The following AGRN variants were observed in gnomAD, a reference collection of about 807,000 sequenced individuals.
AGRN encodes agrin proteoglycan.
In AGRN, 106 loss-of-function variants were observed where a neutral mutation model predicts 211.0. That is an observed-to-expected ratio of 0.50 (90% confidence interval 0.43 to 0.59). The LOEUF is 0.59. Among genes scored for constraint, AGRN ranks in the 20% least tolerant of loss-of-function variants. The probability of loss-of-function intolerance (pLI) is 0.00; values close to 1 mark genes in which losing one functional copy is unlikely to be tolerated. For missense variants in AGRN, 3,040 were observed against 2,982.6 expected, an observed-to-expected ratio of 1.02 and a Z score of -0.45; for synonymous variants, 1,525 against 1,332.5, an observed-to-expected ratio of 1.14 and a Z score of -3.15.
rs576972545 is a variant in AGRN at position 1,046,336 on chromosome 1, C to T, written c.2912-61C>T. ...ACGCTGCCCTAAATCCAGCCCCACC[C>T]GCCCTGAGCCACCTGACCCTGTCCC... is the stretch of plus-strand genomic sequence containing the variant. On this transcript the variant is annotated intron_variant, in intron 17 of 35. Coordinates refer to ENST00000379370, the MANE Select transcript of AGRN (RefSeq NM_198576.4). The T allele has an allele frequency of 1.2e-5, 20 of 1,606,270 alleles. No homozygotes were observed. In the African/African-American group the frequency reaches 1.5e-4, roughly 12 times the overall value.
In AGRN at chr1:1,051,271, A is replaced by G; in HGVS notation, c.5272A>G (p.Asn1758Asp). ...GESPVPHTVLNLKEPLYVGGA... is the reference protein window; with the variant it reads ...GESPVPHTVLDLKEPLYVGGA... Reference sequence around the variant, plus strand: ...CCCGCAGGTTCCGCACACCGTCCTCAACCTGAAGGAGCCGCTCTACGTAGG... The same window carrying G: ...CCCGCAGGTTCCGCACACCGTCCTCGACCTGAAGGAGCCGCTCTACGTAGG... Residue 1758 changes from asparagine (N) to aspartate (D), a missense_variant, in exon 31 of 36, where the codon AAC becomes GAC. Physicochemically the swap from Asn to Asp is conservative, Grantham distance 23 (BLOSUM62 1). Coordinates refer to ENST00000379370, the MANE Select transcript of AGRN (RefSeq NM_198576.4). 1.9e-6 allele frequency: 3 copies of G among 1,580,384 alleles called. No homozygotes were observed. Among genetic ancestry groups the G allele is most frequent in the Non-Finnish European group, 2.6e-6 (3 of 1,164,238 alleles).
chr1:1,022,988 GC>G (rs2100565791), intron 2 of AGRN, among the ~76,000 whole-genome samples: 1 of 152,348 alleles, frequency 6.6e-6, no homozygotes, highest in East Asian at 1.9e-4. Flanking sequence ...CCGAGGAGTG[GC>G]CCTCCCTGAC....
In AGRN at chr1:1,046,519, G is replaced by C. The variant is rs144781935; in HGVS notation, c.3034G>C (p.Ala1012Pro). Reference protein sequence around the residue: ...GALPLAPSSTAHSQTTPPPSS... With the variant: ...GALPLAPSSTPHSQTTPPPSS... ...CCTCCCCCTGGCTCCCAGCAGTACCGCACACAGCCAGACCACCCCTCCGCC... is the reference window on the plus strand; with the variant it reads ...CCTCCCCCTGGCTCCCAGCAGTACCCCACACAGCCAGACCACCCCTCCGCC... The change falls in exon 18 of 36, where the codon GCA (alanine) becomes CCA (proline). Residue 1012 changes from alanine (A) to proline (P), a missense_variant. Coordinates refer to ENST00000379370, the MANE Select transcript of AGRN (RefSeq NM_198576.4). The C allele has an allele frequency of 7.5e-6, 12 of 1,602,004 alleles. No homozygotes were observed. The highest frequency in any genetic ancestry group is 3.3e-4 in the Middle Eastern group (2 of 6,032).
rs778241501 is a variant in AGRN at position 1,044,022 on chromosome 1, G to C, written c.1998G>C (p.Gln666His). 1 of 1,609,950 alleles carries C rather than the reference G, an allele frequency of 6.2e-7. No individual in the cohort carries two copies. The highest frequency in any genetic ancestry group is 8.5e-7 in the Non-Finnish European group (1 of 1,179,494). Residue 666 changes from glutamine (Q) to histidine (H), a missense_variant and splice_region_variant, in exon 10 of 36, where the codon CAG becomes CAC. This residue lies in a region of AGRN where 1,498 missense variants were observed against 1,457.8 expected (regional missense o/e 1.03). Coordinates refer to ENST00000379370, the MANE Select transcript of AGRN (RefSeq NM_198576.4). ...AGGCCCGGGCAGGGCCGTGCGAGCA[G>C]GGTAGGCCGGGGGACGCTGGCGAAA... is the stretch of plus-strand genomic sequence containing the variant. ...IEEARAGPCE[Q>H]AECGSGGSGS...
rs528146665 is a variant in AGRN at position 1,047,829 on chromosome 1, G to A, written c.3685G>A (p.Val1229Met). 6.2e-7 allele frequency: 1 copy of A among 1,604,350 alleles called. No individual in the cohort carries two copies. Among genetic ancestry groups the A allele is most frequent in the Non-Finnish European group, 8.5e-7 (1 of 1,176,096 alleles). The stretch of plus-strand genomic sequence containing the variant: ...CCGGGCCCTGCTCCGGCAGATCCAG[G>A]TGTCCAGGCGCCGGTCCTTGGGGGT... Reference protein sequence around the residue: ...VARALLRQIQVSRRRSLGVRR... With the variant: ...VARALLRQIQMSRRRSLGVRR... Residue 1229 changes from valine (V) to methionine (M), a missense_variant, in exon 22 of 36, where the codon GTG (valine) becomes ATG (methionine). Physicochemically the swap from Val to Met is conservative, Grantham distance 21. Transcript: ENST00000379370.
chr1:1,044,051 G>T (rs771898683), intron 10 of AGRN, 28 bp downstream of exon 10: 2 of 1,612,156 alleles, frequency 1.2e-6, no homozygotes, highest in South Asian at 1.1e-5. Context: ...GGCGAAAACT[G>T]CTGGGCTCTG....
chr1:1,040,947 G>A (rs1644914465), intron 4 of AGRN, 67 bp downstream of exon 4: 3 of 1,108,114 alleles, frequency 2.7e-6, no homozygotes, highest in Non-Finnish European at 3.4e-6. Context: ...GCGAGGCTGG[G>A]AGGGGCTTCG....
At chr1:1,039,240 A>G (rs1003163190) in intron 3 of AGRN, among the ~76,000 whole-genome samples, 16 of 151,062 alleles carry the variant, frequency 1.1e-4, no homozygotes, top group African/African-American at 3.9e-4. Flanking sequence ...GAAGACAGGG[A>G]TCTGGTGGGG....
At chr1:1,021,351 T>C (rs1644398234) in intron 1 of AGRN, among the ~76,000 whole-genome samples, 2 of 152,338 alleles carry the variant, frequency 1.3e-5, no homozygotes, top group South Asian at 4.1e-4. Context: ...ATCTGCCTCC[T>C]GGAGCCTACT....
intron 2 of AGRN, chr1:1,034,113 T>G (rs1427188438): frequency 3.0e-6 from 3 of 984,950 alleles, no homozygotes; most frequent in Non-Finnish European, 3.6e-6. Flanking sequence ...GCCTGCCCGC[T>G]CCTATCGCCG....
intron 33 of AGRN, chr1:1,052,917 T>C (rs940249743): frequency 6.7e-5 from 11 of 164,080 alleles, no homozygotes; most frequent in African/African-American, 2.7e-4. Flanking sequence ...GGTCCGTGTA[T>C]ATGCGTGTAT....
rs750937074 is a variant in AGRN, at chr1:1,050,408, C to T, written c.4977-19C>T. ...TGGGGAGGGGACAGCAAAGACACCC[C>T]GACTCCCCATGACCCCAGGGAGAAG... is the stretch of plus-strand genomic sequence containing the variant. On this transcript the variant is annotated intron_variant, in intron 28 of 35. Transcript: ENST00000379370. 9 of 1,612,604 alleles carry T rather than the reference C, an allele frequency of 5.6e-6. No homozygotes were observed. Among genetic ancestry groups the T allele is most frequent in the East Asian group, 4.5e-5 (2 of 44,880 alleles).
intron 1 of AGRN, among the ~76,000 whole-genome samples, chr1:1,021,418 C>G (rs1644399785): frequency 6.6e-6 from 1 of 152,216 alleles, no homozygotes; most frequent in South Asian, 2.1e-4. Flanking sequence ...CCTGCGGATG[C>G]CGCAGTCCTG....
rs1487784576 is a variant in AGRN, at chr1:1,048,889, C to G, written c.4128C>G (p.Ala1376=). The part of the protein sequence containing the change: ...CEKVLGAPVP[A]FEGRSFLAFP... Reference sequence around the variant, plus strand: ...CAGTGCTTGGCGCCCCTGTGCCGGCCTTCGAGGGCCGCTCCTTCCTGGCCT... The same window carrying G: ...CAGTGCTTGGCGCCCCTGTGCCGGCGTTCGAGGGCCGCTCCTTCCTGGCCT... Residue 1376 remains alanine (A), a synonymous_variant, in exon 24 of 36, where the codon GCC becomes GCG. Transcript: ENST00000379370. This position sits in a 1 kb window ranked among gnomAD's most constrained non-coding sequence, Gnocchi z 5.9. 1 of 1,543,976 alleles carries G rather than the reference C, an allele frequency of 6.5e-7. No individual in the cohort carries two copies. Among genetic ancestry groups the G allele is most frequent in the African/African-American group, 1.4e-5 (1 of 72,962 alleles).
intron 2 of AGRN, 53 bp downstream of exon 2, chr1:1,022,515 AG>A (rs1268967246): frequency 1.3e-6 from 2 of 1,533,206 alleles, no homozygotes; most frequent in Non-Finnish European, 1.8e-6. Flanking sequence ...GCAGTGGCCA[AG>A]GGGGACAGGT....
Position 1,048,400 on chromosome 1 carries a change from C to A in AGRN, c.4105+35C>A. 1.5e-6 allele frequency: 2 copies of A among 1,331,840 alleles called. No homozygotes were observed. Among genetic ancestry groups the A allele is most frequent in the Non-Finnish European group, 2.0e-6 (2 of 1,000,206 alleles). The allele number at this position is 1,331,840 out of a possible 1,614,324, so 82.5% of individuals were successfully genotyped here. ...TCCACTGCAGAGGAGGGCGGGGAGG[C>A]AGCAGGGTGGGGGCAAGGATTGGGG... On this transcript the variant is annotated intron_variant, in intron 23 of 35. Coordinates refer to ENST00000379370, the MANE Select transcript of AGRN (RefSeq NM_198576.4). The surrounding 1 kb of genome is among the most constrained non-coding windows in gnomAD (Gnocchi z 5.9).
At chr1:1,027,305 C>G (rs1275544735) in intron 2 of AGRN, among the ~76,000 whole-genome samples, 1 of 152,226 alleles carries the variant, frequency 6.6e-6, no homozygotes, top group African/African-American at 2.4e-5. Context: ...AGCCTGTGCA[C>G]TTCAGAATTC....
In AGRN at chr1:1,047,609, G is replaced by T. The variant is rs990405591; in HGVS notation, c.3553G>T (p.Asp1185Tyr). The change falls in exon 21 of 36, where the codon GAT becomes TAT. Residue 1185 changes from aspartate to tyrosine, a missense_variant. Physicochemically the swap from Asp to Tyr is radical, Grantham distance 160 (BLOSUM62 -3). This residue lies in a region of AGRN where 1,537 missense variants were observed against 1,505.0 expected (regional missense o/e 1.02). Transcript: ENST00000379370. ...DLFRNSDVKK[D>Y]FRSVRLRDLG... ...CTTCCGGAATTCAGACGTCAAGAAGGATTTTCGGAGTGTCCGCTTGCGGGA... is the reference window on the plus strand; with the variant it reads ...CTTCCGGAATTCAGACGTCAAGAAGTATTTTCGGAGTGTCCGCTTGCGGGA... 2.5e-6 allele frequency: 4 copies of T among 1,613,004 alleles called. No homozygotes were observed. Among genetic ancestry groups the T allele is most frequent in the Non-Finnish European group, 3.4e-6 (4 of 1,180,030 alleles).
In AGRN at chr1:1,041,236, A is replaced by G; in HGVS notation, c.791A>G (p.Asp264Gly). ...SFGSTCARSA[D>G]GLTASCLCPA... Reference sequence around the variant, plus strand: ...GGCAGCACCTGTGCGCGCTCGGCCGACGGGCTGACGGCCTCGTGCCTGTGC... The same window carrying G: ...GGCAGCACCTGTGCGCGCTCGGCCGGCGGGCTGACGGCCTCGTGCCTGTGC... Residue 264 changes from aspartate (D) to glycine (G), a missense_variant, in exon 5 of 36, where the codon GAC (aspartate) becomes GGC (glycine). Asp to Gly is a moderately conservative substitution (Grantham distance 94). Around this residue, in one of 3 missense-constraint regions of AGRN, gnomAD observed 1,498 missense variants for 1,457.8 expected, o/e 1.03. Transcript: ENST00000379370. 1 of 1,487,444 alleles carries G rather than the reference A, an allele frequency of 6.7e-7. No homozygotes were observed. Among genetic ancestry groups the G allele is most frequent in the South Asian group, 1.3e-5 (1 of 79,746 alleles). The allele number at this position is 1,487,444 out of a possible 1,614,324, so 92.1% of individuals were successfully genotyped here.
Sources: gnomAD v4.1 joint callset for allele counts (sites outside exome capture counted in the v4.1 genomes callset) on GRCh38, gnomAD v4.1.1 for gene constraint, gnomAD v4.1.1 regional missense constraint, Gnocchi (gnomAD v3.1) non-coding constraint, MANE v1.5 for transcripts, NCBI Gene and HGNC (gene_info 2026-07-23, HGNC 2026-07-21) for gene names.